The following PDLIM3 variants were observed in gnomAD, a reference collection of about 807,000 sequenced individuals.
The protein encoded by PDLIM3 is PDZ and LIM domain 3, also known as PDZ and LIM domain protein 3.
A neutral mutation model predicts 37.3 loss-of-function variants in PDLIM3; 36 were observed. That is an observed-to-expected ratio of 0.97 (90% CI 0.74 to 1.28). The LOEUF (loss-of-function observed/expected upper bound fraction) is 1.28. Among genes scored for constraint, PDLIM3 ranks in the 50% most tolerant of loss-of-function variants. The pLI is 0.00. For synonymous variants in PDLIM3, 174 were observed against 182.4 expected (o/e 0.95, Z 0.37); for missense variants, 454 against 485.0 (o/e 0.94, Z 0.60).
In PDLIM3 at chr4:185,514,398, T is replaced by A; in HGVS notation, c.331-61A>T. On this transcript the variant is annotated intron_variant, in intron 3 of 7. Coordinates refer to ENST00000284767, the MANE Select transcript of PDLIM3 (RefSeq NM_014476.6). The surrounding 1 kb of genome is among the most constrained non-coding windows in gnomAD (Gnocchi z 4.0). The stretch of plus-strand genomic sequence containing the variant: ...AAGGCGGACACTGTTGCAGATAAGA[T>A]TAAACGAACGATAGTTGTACAGGGA... 1 of 1,614,002 alleles carries A rather than the reference T, an allele frequency of 6.2e-7. No homozygotes were observed. Among genetic ancestry groups the A allele is most frequent in the Middle Eastern group, 1.6e-4 (1 of 6,062 alleles).
chr4:185,519,971 A>G (rs2095720854), intron 3 of PDLIM3, among the ~76,000 whole-genome samples: 1 of 152,202 alleles, frequency 6.6e-6, no homozygotes, highest in South Asian at 2.1e-4. Context: ...CTGTATTTGC[A>G]GAGTTGTCAT....
intron 3 of PDLIM3, chr4:185,517,632 C>T (rs1484183759): frequency 2.0e-5 from 3 of 151,248 alleles, no homozygotes; most frequent in South Asian, 2.1e-4. Flanking sequence ...TTGCAATTTT[C>T]GGTTTTGGTT....
Position 185,502,248 on chromosome 4 carries a change from A to AGTGCGCGTGGGTGGGT in PDLIM3, c.*30_*45dup. The AGTGCGCGTGGGTGGGT allele has an allele frequency of 6.3e-7, 1 of 1,578,012 alleles. No individual in the cohort carries two copies. Among genetic ancestry groups the AGTGCGCGTGGGTGGGT allele is most frequent in the Non-Finnish European group, 8.7e-7 (1 of 1,147,450 alleles). On this transcript the variant is annotated 3_prime_UTR_variant, in exon 8 of 8. Transcript: ENST00000284767. ...AAAGCCATGAATGTCTTCTCGTGTAAGTGCGCGTGGGTGGGTGCGTGCGTG... is the reference window on the plus strand; with the variant it reads ...AAAGCCATGAATGTCTTCTCGTGTAAGTGCGCGTGGGTGGGTGTGCGCGTGGGTGGGTGCGTGCGTG...
chr4:185,526,521 A>G (rs1367205525), intron 1 of PDLIM3, among the ~76,000 whole-genome samples: 1 of 152,236 alleles, frequency 6.6e-6, no homozygotes, highest in East Asian at 1.9e-4. Context: ...ATAATTTAAA[A>G]TATTTAAAAA....
At chr4:185,523,873 C>T (rs1375929377) in intron 2 of PDLIM3, among the ~76,000 whole-genome samples, 1 of 151,854 alleles carries the variant, frequency 6.6e-6, no homozygotes, top group Non-Finnish European at 1.5e-5. Flanking sequence ...CCAGTTCGGC[C>T]TCCCAAAGCG....
chr4:185,523,984 GCA>G (rs1173094398), intron 2 of PDLIM3, among the ~76,000 whole-genome samples: 1 of 151,298 alleles, frequency 6.6e-6, no homozygotes, highest in African/African-American at 2.4e-5. Flanking sequence ...GGAGTACACT[GCA>G]CAGTTTCTGG....
Position 185,514,918 on chromosome 4 carries a change from C to A in PDLIM3, c.331-581G>T. ...GTACAATGGCAGACAAAATACACAG[C>A]CACACAGCGCACAAGAAAGCCATTA... On this transcript the variant is annotated intron_variant, in intron 3 of 7. Transcript: ENST00000284767. This position sits in a 1 kb window ranked among gnomAD's most constrained non-coding sequence, Gnocchi z 4.0. 2 of 1,530,870 alleles carry A rather than the reference C, an allele frequency of 1.3e-6. No individual in the cohort carries two copies. Among genetic ancestry groups the A allele is most frequent in the Non-Finnish European group, 1.8e-6 (2 of 1,134,096 alleles). The allele number at this position is 1,530,870 out of a possible 1,614,324, so 94.8% of individuals were successfully genotyped here.
intron 7 of PDLIM3, among the ~76,000 whole-genome samples, chr4:185,502,942 A>G (rs2095689572): frequency 6.6e-6 from 1 of 152,166 alleles, no homozygotes; most frequent in Non-Finnish European, 1.5e-5. Flanking sequence ...AACAGATCAA[A>G]GACGACCGGG....
rs1272471236 is a variant in PDLIM3, at chr4:185,504,173, T to C, written c.905+302A>G. Among the ~76,000 whole-genome samples, 1 of 151,770 alleles carries C rather than the reference T, an allele frequency of 6.6e-6. No homozygotes were observed. Among genetic ancestry groups the C allele is most frequent in the South Asian group, 2.1e-4 (1 of 4,802 alleles). On this transcript the variant is annotated intron_variant, in intron 7 of 7. Coordinates refer to ENST00000284767, the MANE Select transcript of PDLIM3 (RefSeq NM_014476.6). This position sits in a 1 kb window ranked among gnomAD's most constrained non-coding sequence, Gnocchi z 4.7. ...CTATACGTTAACAGGGGTGGGGGAG[T>C]TTAAAGTGAAGTCTTGATTCTTAGA...
At chr4:185,519,607 T>G (rs1408348271) in intron 3 of PDLIM3, among the ~76,000 whole-genome samples, 2 of 152,140 alleles carry the variant, frequency 1.3e-5, no homozygotes, top group Non-Finnish European at 2.9e-5. Context: ...AATCTAGATA[T>G]TAAAATTTTA....
intron 1 of PDLIM3, among the ~76,000 whole-genome samples, chr4:185,528,259 G>T (rs3792698): frequency 0.69 from 104,445 of 152,068 alleles, 41,125 homozygotes; most frequent in Non-Finnish European, 0.87. Context: ...ATGAGTGGGG[G>T]TTTGTTTCTG....
intron 6 of PDLIM3, among the ~76,000 whole-genome samples, chr4:185,505,841 T>C (rs181033434): frequency 6.8e-4 from 104 of 152,318 alleles, no homozygotes; most frequent in African/African-American, 2.5e-3. Flanking sequence ...TTATTCTCCA[T>C]GTCTGCCACA....
Position 185,514,142 on chromosome 4 carries a change from TGC to T in PDLIM3, c.398+126_398+127del. On this transcript the variant is annotated intron_variant, in intron 4 of 7. Transcript: ENST00000284767. The surrounding 1 kb of genome is among the most constrained non-coding windows in gnomAD (Gnocchi z 4.0). ...TCTGCCAAGTGAGTTTGTTTCTTTT[TGC>T]TTTTGAAATAAGCTTCGCAATGAGA... 1.9e-6 allele frequency: 3 copies of T among 1,569,330 alleles called. No homozygotes were observed. The highest frequency in any genetic ancestry group is 1.9e-5 in the Admixed American group (1 of 54,046).
chr4:185,524,010 G>A (rs2095728189), intron 2 of PDLIM3, among the ~76,000 whole-genome samples: 1 of 151,600 alleles, frequency 6.6e-6, no homozygotes, highest in South Asian at 2.1e-4. Flanking sequence ...AAGGAGGCCT[G>A]CAAGGCATGT....
chr4:185,524,990 C>T, intron 2 of PDLIM3, 30 bp downstream of exon 2: 2 of 1,610,922 alleles, frequency 1.2e-6, no homozygotes, highest in Non-Finnish European at 1.7e-6. Flanking sequence ...CAAAACAGAT[C>T]AGATTTAAGC....
At chr4:185,507,407 A>G (rs2095699516) in intron 5 of PDLIM3, among the ~76,000 whole-genome samples, 1 of 152,112 alleles carries the variant, frequency 6.6e-6, no homozygotes, top group Non-Finnish European at 1.5e-5. Flanking sequence ...CTACTTTATT[A>G]TTTTATATCA....
At chr4:185,513,366 G>C (rs930526699) in intron 4 of PDLIM3, 1 of 984,338 alleles carries the variant, frequency 1.0e-6, no homozygotes, top group African/African-American at 1.7e-5. Flanking sequence ...CCTGCTATCC[G>C]CAGCTTATGA....
chr4:185,520,240 AT>A (rs139809671), intron 3 of PDLIM3, among the ~76,000 whole-genome samples: 2,872 of 152,312 alleles, frequency 0.019, 31 homozygotes, highest in Non-Finnish European at 0.028. Flanking sequence ...CCGTGCAGAA[AT>A]CTGGCCTAAG....
intron 2 of PDLIM3, among the ~76,000 whole-genome samples, chr4:185,524,490 C>T (rs571530999): frequency 9.0e-4 from 137 of 152,340 alleles, no homozygotes; most frequent in South Asian, 8.9e-3. Flanking sequence ...GGGTCAGAAA[C>T]ATCTCAGTAT....
Sources: allele counts gnomAD v4.1 joint callset (sites outside exome capture counted in the v4.1 genomes callset), GRCh38; gene constraint gnomAD v4.1.1; non-coding constraint Gnocchi (gnomAD v3.1); transcripts MANE v1.5; gene names NCBI Gene and HGNC (gene_info 2026-07-23, HGNC 2026-07-21).